Variants in HTR2A observed in about 807,000 individuals in gnomAD.
HTR2A encodes the protein 5-HT2 receptor.
Under a neutral mutation model 31.0 loss-of-function variants are expected in HTR2A, and 14 were observed. The observed-to-expected ratio is 0.45, with a 90% CI of 0.30 to 0.71. The LOEUF (loss-of-function observed/expected upper bound fraction) is 0.71, where lower values mean the gene tolerates loss of function less well. Ranked by LOEUF, HTR2A falls within the 30% of genes least tolerant of loss-of-function variation. The pLI is 0.09. For synonymous variants in HTR2A, 209 were observed against 225.2 expected (o/e 0.93, Z 0.64); for missense variants, 442 against 573.3 (o/e 0.77, Z 2.34).
chr13:46,863,806 T>C lies in HTR2A; in HGVS notation c.614-28167A>G, dbSNP rs1289621608. On this transcript the variant is annotated intron_variant, in intron 3 of 3. Coordinates refer to ENST00000542664, the MANE Select transcript of HTR2A (RefSeq NM_000621.5). Reference sequence around the variant, plus strand: ...GGTTGTGGAGAAAAAGGAACACTTATATACTGTCGGTGGGAGTGTAAATTA... The same window carrying C: ...GGTTGTGGAGAAAAAGGAACACTTACATACTGTCGGTGGGAGTGTAAATTA... Among the ~76,000 whole-genome samples the C allele has an allele frequency of 3.3e-5, 5 of 152,020 alleles. 1 individual carries two copies. The East Asian group carries it at 5.8e-4, about 18-fold the overall frequency.
intron 3 of HTR2A, among the ~76,000 whole-genome samples, chr13:46,857,749 C>T (rs936501961): frequency 4.6e-5 from 7 of 152,098 alleles, no homozygotes; most frequent in Non-Finnish European, 1.0e-4. Context: ...GAAAGCACAG[C>T]ATATAAGAGC....
chr13:46,837,819 G>T (rs577242074), intron 3 of HTR2A, among the ~76,000 whole-genome samples: 2 of 152,336 alleles, frequency 1.3e-5, no homozygotes, highest in South Asian at 4.1e-4. Flanking sequence ...CTTTCTTAGT[G>T]ACATTTGCCA....
chr13:46,848,908 A>T (rs1303126537), intron 3 of HTR2A, among the ~76,000 whole-genome samples: 1 of 152,234 alleles, frequency 6.6e-6, no homozygotes, highest in Non-Finnish European at 1.5e-5. Context: ...TATTACTTAT[A>T]CGTGGGAAGC....
Position 46,884,481 on chromosome 13 carries a change from G to A in HTR2A, c.613+7909C>T, listed in dbSNP as rs529796741. 5.3e-4 allele frequency among the ~76,000 whole-genome samples: 81 copies of A among 152,246 alleles called. No homozygotes were observed. In the South Asian group the frequency reaches 0.013, roughly 25 times the overall value. Reference sequence around the variant, plus strand: ...ACATCAAGACCATCCTGGCTAACACGGTGAAAACCCATCTCTACTAAAAAT... The same window carrying A: ...ACATCAAGACCATCCTGGCTAACACAGTGAAAACCCATCTCTACTAAAAAT... On this transcript the variant is annotated intron_variant, in intron 3 of 3. Transcript: ENST00000542664.
rs1170918007 is a variant in HTR2A, at chr13:46,832,051, C to T, written c.*2786G>A. The T allele has an allele frequency of 6.6e-6, 1 of 151,978 alleles. No individual in the cohort carries two copies. The highest frequency in any genetic ancestry group is 1.5e-5 in the Non-Finnish European group (1 of 67,984). 9.4% of individuals were successfully genotyped at this position (151,978 alleles called of 1,614,324 possible). A position where few individuals can be genotyped will look rare whatever the true frequency, so the allele number is the denominator to read the frequency against. ...AAAATTGCCAGACTAAACAAAGGGC[C>T]CAAAGGTACCATTTTATTTAGGATC... On this transcript the variant is annotated 3_prime_UTR_variant, in exon 4 of 4. Transcript: ENST00000542664.
At chr13:46,854,058 G>A (rs1297693490) in intron 3 of HTR2A, 1 of 152,178 alleles carries the variant, frequency 6.6e-6, no homozygotes, top group African/African-American at 2.4e-5. Context: ...ACTGAGCTGG[G>A]GGGTCCCAGT....
intron 3 of HTR2A, among the ~76,000 whole-genome samples, chr13:46,851,828 G>A (rs890491776): frequency 6.6e-6 from 1 of 152,184 alleles, no homozygotes; most frequent in African/African-American, 2.4e-5. Flanking sequence ...AGATGCCTAC[G>A]CCTAACTCCT....
intron 3 of HTR2A, among the ~76,000 whole-genome samples, chr13:46,880,148 T>C (rs1950948959): frequency 6.6e-6 from 1 of 152,212 alleles, no homozygotes. Flanking sequence ...TACTTGAGTG[T>C]AGCAACTGTA....
intron 3 of HTR2A, among the ~76,000 whole-genome samples, chr13:46,888,004 C>T (rs1039185485): frequency 2.0e-5 from 3 of 151,900 alleles, no homozygotes; most frequent in African/African-American, 7.3e-5. Context: ...GTGCAGCAAA[C>T]CACCATGGCA....
At chr13:46,875,519 ATTGACT>A (rs1275305739) in intron 3 of HTR2A, among the ~76,000 whole-genome samples, 2 of 152,196 alleles carry the variant, frequency 1.3e-5, no homozygotes, top group African/African-American at 2.4e-5. Flanking sequence ...ACAGTAGATA[ATTGACT>A]TTGAAGACAT....
intron 3 of HTR2A, among the ~76,000 whole-genome samples, chr13:46,879,046 G>T (rs1950939047): frequency 6.6e-6 from 1 of 152,218 alleles, no homozygotes; most frequent in Non-Finnish European, 1.5e-5. Flanking sequence ...TGTCAGCAGG[G>T]TTTTGAGGAA....
At chr13:46,871,218 A>G (rs975070145) in intron 3 of HTR2A, among the ~76,000 whole-genome samples, 2 of 152,252 alleles carry the variant, frequency 1.3e-5, no homozygotes, top group African/African-American at 4.8e-5. Context: ...TCAACTTATC[A>G]GTGCAACCTG....
In HTR2A at chr13:46,896,242, A is replaced by G; in HGVS notation, c.-328-8T>C. The G allele has an allele frequency of 9.1e-7, 1 of 1,103,806 alleles. No homozygotes were observed. The highest frequency in any genetic ancestry group is 1.6e-5 in the African/African-American group (1 of 60,902). The allele number at this position is 1,103,806 out of a possible 1,614,324, so 68.4% of individuals were successfully genotyped here. A position where few individuals can be genotyped will look rare whatever the true frequency, so the allele number is the denominator to read the frequency against. On this transcript the variant is annotated splice_polypyrimidine_tract_variant and splice_region_variant and intron_variant, in intron 1 of 3. Coordinates refer to ENST00000542664, the MANE Select transcript of HTR2A (RefSeq NM_000621.5). ...CTCGGGAAGATAAATGTCCTGGACAAAGAAGAAAAGTTTTATAACTACTGG... is the reference window on the plus strand; with the variant it reads ...CTCGGGAAGATAAATGTCCTGGACAGAGAAGAAAAGTTTTATAACTACTGG...
chr13:46,857,459 T>C (rs1193774209), intron 3 of HTR2A, among the ~76,000 whole-genome samples: 4 of 152,156 alleles, frequency 2.6e-5, no homozygotes, highest in African/African-American at 4.8e-5. Context: ...GGCAGCTCTC[T>C]AGGGCCCCTT....
intron 3 of HTR2A, among the ~76,000 whole-genome samples, chr13:46,883,860 A>C (rs1950985776): frequency 6.6e-6 from 1 of 152,216 alleles, no homozygotes. Context: ...GCTCCCACAC[A>C]GAAAACACAA....
At chr13:46,870,874 A>AAT (rs1043504321) in intron 3 of HTR2A, among the ~76,000 whole-genome samples, 26 of 152,250 alleles carry the variant, frequency 1.7e-4, no homozygotes, top group African/African-American at 1.7e-4. Context: ...TTCAAGATTC[A>AAT]ATATATATAT....
At chr13:46,877,124 G>A (rs1180183665) in intron 3 of HTR2A, among the ~76,000 whole-genome samples, 3 of 152,132 alleles carry the variant, frequency 2.0e-5, no homozygotes, top group Admixed American at 1.3e-4. Flanking sequence ...TGAGACCCAT[G>A]AGGCCTCTAG....
chr13:46,873,717 A>G (rs1950883815), intron 3 of HTR2A, among the ~76,000 whole-genome samples: 1 of 151,938 alleles, frequency 6.6e-6, no homozygotes, highest in Non-Finnish European at 1.5e-5. Flanking sequence ...TGTCCTTGCG[A>G]TAGTTTACTG....
intron 2 of HTR2A, among the ~76,000 whole-genome samples, chr13:46,894,834 T>A (rs1238191655): frequency 6.6e-6 from 1 of 152,228 alleles, no homozygotes; most frequent in East Asian, 1.9e-4. Flanking sequence ...CAAACCAGAC[T>A]GGAGGAGTTT....
Sources: allele counts gnomAD v4.1 joint callset (sites outside exome capture counted in the v4.1 genomes callset), GRCh38; gene constraint gnomAD v4.1.1; transcripts MANE v1.5; gene names NCBI Gene and HGNC (gene_info 2026-07-23, HGNC 2026-07-21).